PITPNC1: variants seen among roughly 807,000 people sequenced by gnomAD.
PITPNC1 encodes the protein cytoplasmic phosphatidylinositol transfer protein 1.
PITPNC1 carries 18 observed loss-of-function variants against 44.7 expected under a neutral mutation model. That is an observed-to-expected ratio of 0.40 (90% CI 0.28 to 0.60). The LOEUF (loss-of-function observed/expected upper bound fraction) is 0.60. Ranked by LOEUF, PITPNC1 falls within the 20% of genes least tolerant of loss-of-function variation. The pLI, the probability that PITPNC1 is intolerant of heterozygous loss-of-function variation, is 0.39. For missense variants in PITPNC1, 290 were observed against 418.4 expected (o/e 0.69, Z 2.68); for synonymous variants, 141 against 149.6 (o/e 0.94, Z 0.42).
intron 8 of PITPNC1, among the ~76,000 whole-genome samples, chr17:67,685,460 G>T (rs981837090): frequency 6.6e-6 from 1 of 152,230 alleles, no homozygotes; most frequent in Non-Finnish European, 1.5e-5. Flanking sequence ...TGGAAATGAA[G>T]AGGATCTCAC....
At chr17:67,621,171 T>C (rs2041823836) in intron 5 of PITPNC1, among the ~76,000 whole-genome samples, 4 of 62,148 alleles carry the variant, frequency 6.4e-5, no homozygotes, top group Non-Finnish European at 1.8e-4. Context: ...AGTACTCTTG[T>C]CTGAAGCACA....
chr17:67,413,788 T>C (rs139976801), intron 1 of PITPNC1, among the ~76,000 whole-genome samples: 1 of 152,196 alleles, frequency 6.6e-6, no homozygotes, highest in Non-Finnish European at 1.5e-5. Context: ...TCGATGCTTT[T>C]CCTAGGGCAG....
At chr17:67,463,460 G>T (rs746648787) in intron 1 of PITPNC1, among the ~76,000 whole-genome samples, 1 of 152,174 alleles carries the variant, frequency 6.6e-6, no homozygotes, top group African/African-American at 2.4e-5. Context: ...TCTCCGTGTT[G>T]TAATCATTTT....
intron 8 of PITPNC1, among the ~76,000 whole-genome samples, chr17:67,683,162 CAAAAAAAAAAAAAAA>C (rs901577194): frequency 4.8e-5 from 2 of 41,528 alleles, no homozygotes; most frequent in African/African-American, 1.5e-4. Flanking sequence ...AACTGAGTCT[CAAAAAAAAAAAAAAA>C]AAAAAAAAAA....
At chr17:67,409,730 G>A (rs1054681352) in intron 1 of PITPNC1, among the ~76,000 whole-genome samples, 2 of 151,862 alleles carry the variant, frequency 1.3e-5, no homozygotes, top group Non-Finnish European at 2.9e-5. Context: ...TAGAGGTGGG[G>A]TTTCATCATG....
At chr17:67,560,902 T>A (rs2706679) in intron 4 of PITPNC1, among the ~76,000 whole-genome samples, 127,950 of 152,196 alleles carry the variant, frequency 0.84, 53,952 homozygotes, top group African/African-American at 0.91. Flanking sequence ...CAGCAGAGAA[T>A]ACAGAGTTGT....
At chr17:67,599,025 TATATA>T (rs1568059391) in intron 5 of PITPNC1, among the ~76,000 whole-genome samples, 2 of 32,244 alleles carry the variant, frequency 6.2e-5, no homozygotes, top group African/African-American at 1.4e-4. Flanking sequence ...TATATATATA[TATATA>T]TATATTTTTT....
At chr17:67,409,820 G>A (rs572830386) in intron 1 of PITPNC1, among the ~76,000 whole-genome samples, 23 of 152,320 alleles carry the variant, frequency 1.5e-4, no homozygotes, top group African/African-American at 5.5e-4. Context: ...TTACAGGCAT[G>A]AGCCACTGTG....
In PITPNC1 at chr17:67,489,243, A is replaced by G. The variant is rs562118359; in HGVS notation, c.49-43559A>G. Among the ~76,000 whole-genome samples, 3 of 152,318 alleles carry G rather than the reference A, an allele frequency of 2.0e-5. No individual in the cohort carries two copies. The East Asian group carries it at 5.8e-4, about 29-fold the overall frequency. ...GTTTGCTCCGTCTCCTTTTGCCTCC[A>G]GGTACAGCCCATAGGCCTCTGTCCT... On this transcript the variant is annotated intron_variant, in intron 1 of 8. Transcript: ENST00000581322.
intron 5 of PITPNC1, among the ~76,000 whole-genome samples, chr17:67,580,604 G>T (rs2041217075): frequency 6.6e-6 from 1 of 152,154 alleles, no homozygotes; most frequent in African/African-American, 2.4e-5. Flanking sequence ...GCCTCCCAAA[G>T]TGCTGGGATT....
At chr17:67,565,077 T>G (rs1282348301) in intron 4 of PITPNC1, among the ~76,000 whole-genome samples, 1 of 152,234 alleles carries the variant, frequency 6.6e-6, no homozygotes, top group Non-Finnish European at 1.5e-5. Flanking sequence ...TTCAATGTTT[T>G]TCAGTGTGTA....
At chr17:67,622,401 T>A (rs2041844181) in intron 5 of PITPNC1, among the ~76,000 whole-genome samples, 1 of 150,778 alleles carries the variant, frequency 6.6e-6, no homozygotes, top group Admixed American at 6.6e-5. Context: ...TATATATTCA[T>A]AAATAGTCAT....
chr17:67,651,686 C>T (rs1460581218), intron 6 of PITPNC1, among the ~76,000 whole-genome samples: 1 of 152,154 alleles, frequency 6.6e-6, no homozygotes, highest in East Asian at 1.9e-4. Context: ...TTTTAGCTAT[C>T]ATCTCCCTAC....
intron 1 of PITPNC1, among the ~76,000 whole-genome samples, chr17:67,470,554 T>C (rs969888644): frequency 1.1e-4 from 16 of 150,364 alleles, no homozygotes; most frequent in African/African-American, 3.9e-4. Context: ...AATTCATCCA[T>C]ATTCCCCGTC....
At chr17:67,515,711 G>C (rs1450799201) in intron 1 of PITPNC1, among the ~76,000 whole-genome samples, 1 of 152,182 alleles carries the variant, frequency 6.6e-6, no homozygotes, top group Non-Finnish European at 1.5e-5. Context: ...AGGTTGACTG[G>C]GCAAGCGGAA....
At chr17:67,626,079 C>T (rs538738542) in intron 5 of PITPNC1, among the ~76,000 whole-genome samples, 3 of 151,630 alleles carry the variant, frequency 2.0e-5, no homozygotes, top group South Asian at 4.2e-4. Flanking sequence ...CTCTGCCTCT[C>T]GGCTCAAGAG....
At chr17:67,404,000 C>G (rs2038360640) in intron 1 of PITPNC1, among the ~76,000 whole-genome samples, 1 of 152,170 alleles carries the variant, frequency 6.6e-6, no homozygotes, top group African/African-American at 2.4e-5. Flanking sequence ...CCAGCCTGGG[C>G]GACTGAGCCA....
chr17:67,510,512 C>CT lies in PITPNC1; in HGVS notation c.49-22289dup, dbSNP rs1244789898. On this transcript the variant is annotated intron_variant, in intron 1 of 8. Coordinates refer to ENST00000581322, the MANE Select transcript of PITPNC1 (RefSeq NM_012417.4). ...CCTTCTTCAGAAGCCTCTCTAATGC[C>CT]TCAAGCCCTTCACTACTCAAGAGGG... 1.9e-4 allele frequency among the ~76,000 whole-genome samples: 29 copies of CT among 152,344 alleles called. No homozygotes were observed. The East Asian group carries it at 4.8e-3, about 25-fold the overall frequency.
chr17:67,551,183 G>A (rs2040758142), intron 2 of PITPNC1, among the ~76,000 whole-genome samples: 1 of 151,312 alleles, frequency 6.6e-6, no homozygotes, highest in Non-Finnish European at 1.5e-5. Context: ...TGTTCTCTAA[G>A]TTTTGCCTCT....
Sources: gnomAD v4.1 joint callset for allele counts (sites outside exome capture counted in the v4.1 genomes callset) on GRCh38, gnomAD v4.1.1 for gene constraint, MANE v1.5 for transcripts, NCBI Gene and HGNC (gene_info 2026-07-23, HGNC 2026-07-21) for gene names.